PTPRN2: variants seen among roughly 807,000 people sequenced by gnomAD.
PTPRN2 encodes protein tyrosine phosphatase receptor type N2.
PTPRN2 carries 74 observed loss-of-function variants against 118.8 expected under a neutral mutation model. The observed-to-expected ratio is 0.62, with a 90% CI of 0.52 to 0.76. The LOEUF (loss-of-function observed/expected upper bound fraction) is 0.76, where lower values mean the gene tolerates loss of function less well. Among genes scored for constraint, PTPRN2 ranks in the 30% least tolerant of loss-of-function variants. The pLI is 0.00. For synonymous variants in PTPRN2, 641 were observed against 608.0 expected, an observed-to-expected ratio of 1.05 and a Z score of -0.80; for missense variants, 1,481 against 1,394.4, an observed-to-expected ratio of 1.06 and a Z score of -0.99.
At chr7:158,027,188 G>T (rs1807342043) in intron 11 of PTPRN2, among the ~76,000 whole-genome samples, 1 of 152,218 alleles carries the variant, frequency 6.6e-6, no homozygotes, top group Admixed American at 6.5e-5. Context: ...CCTAGGCCAG[G>T]CCCTGGTCAT....
At position 158,489,614 on chromosome 7, in the gene PTPRN2, G is replaced by C. The variant is rs995548674; in HGVS notation, c.163+121C>G. ...TCCGGGGTTCCATCCGCCTCCTCTC[G>C]GCAGCGCGCCCCGGGCGGCCCCAGC... On this transcript the variant is annotated intron_variant, in intron 2 of 22. Transcript: ENST00000389418. 9.7e-6 allele frequency: 10 copies of C among 1,033,652 alleles called. No homozygotes were observed. In the South Asian group the frequency reaches 1.8e-4, roughly 19 times the overall value. The allele number at this position is 1,033,652 out of a possible 1,614,324, so 64.0% of individuals were successfully genotyped here.
At chr7:158,205,342 C>G (rs1585845155) in intron 3 of PTPRN2, 69 bp from the exon 4 acceptor site, 2 of 1,150,164 alleles carry the variant, frequency 1.7e-6, no homozygotes, top group Non-Finnish European at 2.6e-6. Flanking sequence ...GCTTCAGTCT[C>G]ACAATTAGTT....
chr7:158,309,584 T>C (rs1010088511), intron 3 of PTPRN2, among the ~76,000 whole-genome samples: 2 of 152,304 alleles, frequency 1.3e-5, no homozygotes, highest in South Asian at 4.1e-4. Context: ...ATTACTATAA[T>C]ACCAAAACCA....
chr7:158,396,330 G>A (rs571301806), intron 2 of PTPRN2, among the ~76,000 whole-genome samples: 2 of 152,170 alleles, frequency 1.3e-5, no homozygotes, highest in African/African-American at 2.4e-5. Flanking sequence ...TTTCAAACCC[G>A]CAAAAGGAAT....
At chr7:157,695,133 G>A (rs1397283012) in intron 12 of PTPRN2, among the ~76,000 whole-genome samples, 2 of 151,888 alleles carry the variant, frequency 1.3e-5, no homozygotes, top group African/African-American at 4.8e-5. Flanking sequence ...TCAATTTAAG[G>A]AACACCAAAT....
chr7:158,204,830 C>T (rs538477929), intron 4 of PTPRN2, among the ~76,000 whole-genome samples: 1 of 152,298 alleles, frequency 6.6e-6, no homozygotes, highest in South Asian at 2.1e-4. Context: ...TTTCACAATT[C>T]TGTTTTTTGT....
intron 2 of PTPRN2, among the ~76,000 whole-genome samples, chr7:158,424,831 C>T (rs1815570841): frequency 1.3e-5 from 2 of 152,048 alleles, no homozygotes; most frequent in South Asian, 2.1e-4. Context: ...CCGGGGACCT[C>T]GGGGCCCAGG....
intron 2 of PTPRN2, among the ~76,000 whole-genome samples, chr7:158,387,264 C>T (rs1811469620): frequency 6.6e-6 from 1 of 152,194 alleles, no homozygotes; most frequent in African/African-American, 2.4e-5. Context: ...ACTTTCAGAA[C>T]TGTAAACACA....
At chr7:158,333,601 C>CA (rs1804948724) in intron 2 of PTPRN2, among the ~76,000 whole-genome samples, 1 of 140,648 alleles carries the variant, frequency 7.1e-6, no homozygotes, top group Admixed American at 6.9e-5. Context: ...CACACACCCA[C>CA]ACTCTCACTA....
rs115757860 is a variant in PTPRN2 at position 157,882,452 on chromosome 7, G to A, written c.1788+16221C>T. The stretch of plus-strand genomic sequence containing the variant: ...ACACATCACCCCAAAAATGACTGTC[G>A]GAGAACAGAACACACCACCCCCAAA... On this transcript the variant is annotated intron_variant, in intron 12 of 22. Transcript: ENST00000389418. Among the ~76,000 whole-genome samples, 1,319 of 147,736 alleles carry A rather than the reference G, an allele frequency of 8.9e-3. 20 individuals carry two copies. The highest frequency in any genetic ancestry group is 0.028 in the African/African-American group (1,125 of 39,864).
At chr7:157,572,960 C>CA (rs1799834709) in intron 19 of PTPRN2, among the ~76,000 whole-genome samples, 1 of 152,174 alleles carries the variant, frequency 6.6e-6, no homozygotes. Flanking sequence ...GCGGGGAAGG[C>CA]AATGGTGAAC....
chr7:157,975,867 C>T (rs1472710832), intron 11 of PTPRN2, among the ~76,000 whole-genome samples: 1 of 152,178 alleles, frequency 6.6e-6, no homozygotes, highest in Non-Finnish European at 1.5e-5. Context: ...CAGGAGTTCC[C>T]AGGGTGGAGG....
At chr7:158,301,929 A>C (rs1006900704) in intron 3 of PTPRN2, among the ~76,000 whole-genome samples, 17 of 152,200 alleles carry the variant, frequency 1.1e-4, no homozygotes, top group African/African-American at 4.1e-4. Flanking sequence ...CAGCCTGGGC[A>C]ATAGAGTAAG....
intron 2 of PTPRN2, among the ~76,000 whole-genome samples, chr7:158,420,875 C>T (rs1209619023): frequency 1.1e-4 from 17 of 152,266 alleles, no homozygotes; most frequent in South Asian, 4.1e-4. Flanking sequence ...GTTGATGAGA[C>T]GTGGCAGTTG....
chr7:158,016,092 T>A (rs1253570894), intron 11 of PTPRN2, among the ~76,000 whole-genome samples: 4 of 152,160 alleles, frequency 2.6e-5, no homozygotes. Context: ...CCAAGAACTC[T>A]CATTCAGACT....
At chr7:157,641,796 A>T (rs1430281487) in intron 14 of PTPRN2, among the ~76,000 whole-genome samples, 1 of 152,136 alleles carries the variant, frequency 6.6e-6, no homozygotes, top group African/African-American at 2.4e-5. Context: ...AATAATGTCG[A>T]CTTTTCGGGT....
intron 12 of PTPRN2, among the ~76,000 whole-genome samples, chr7:157,772,713 G>A (rs1047972640): frequency 6.6e-6 from 1 of 152,260 alleles, no homozygotes; most frequent in African/African-American, 2.4e-5. Context: ...GGGTCTCTTG[G>A]CCGGGTCTGG....
chr7:157,873,237 C>T (rs555051821), intron 12 of PTPRN2, among the ~76,000 whole-genome samples: 5 of 152,344 alleles, frequency 3.3e-5, no homozygotes, highest in African/African-American at 1.2e-4. Context: ...ACCAATGTTT[C>T]CGCCACCAGC....
intron 3 of PTPRN2, among the ~76,000 whole-genome samples, chr7:158,306,848 GTTTTTTGTTTTTTTT>G (rs1479720046): frequency 3.5e-5 from 4 of 113,528 alleles, no homozygotes; most frequent in African/African-American, 1.2e-4. Flanking sequence ...TAAATGAGCT[GTTTTTTGTTTTTTTT>G]TTTTTTTTTT....
Sources: allele counts gnomAD v4.1 joint callset (sites outside exome capture counted in the v4.1 genomes callset), GRCh38; gene constraint gnomAD v4.1.1; transcripts MANE v1.5; gene names NCBI Gene and HGNC (gene_info 2026-07-23, HGNC 2026-07-21).